The following TSPAN15 variants were observed in gnomAD, a reference collection of about 807,000 sequenced individuals.
TSPAN15 encodes the protein tetraspanin 15.
In TSPAN15, 20 loss-of-function variants were observed where a neutral mutation model predicts 34.5. The observed-to-expected ratio is 0.58, with a 90% CI of 0.41 to 0.84. The LOEUF (loss-of-function observed/expected upper bound fraction) is 0.84. TSPAN15 is among the 40% of genes least tolerant of loss of function. The pLI, the probability that TSPAN15 is intolerant of heterozygous loss-of-function variation, is 0.00. For missense variants in TSPAN15, 313 were observed against 386.1 expected (o/e 0.81, Z 1.59); for synonymous variants, 155 against 153.9 (o/e 1.01, Z -0.05).
chr10:69,492,032 G>A (rs1180911491), intron 3 of TSPAN15, among the ~76,000 whole-genome samples: 1 of 152,226 alleles, frequency 6.6e-6, no homozygotes. Context: ...AGCTTTCTCT[G>A]GTGCTTTAAA....
At chr10:69,520,495 A>G in the TSPAN15 span, among the ~76,000 whole-genome samples, 2 of 152,202 alleles carry the variant, frequency 1.3e-5, no homozygotes, top group African/African-American at 4.8e-5. Context: ...CATCTCTACA[A>G]AAAATACAAA....
intron 5 of TSPAN15, among the ~76,000 whole-genome samples, chr10:69,501,674 A>G (rs59490631): frequency 0.022 from 3,303 of 152,286 alleles, 121 homozygotes; most frequent in African/African-American, 0.076. Context: ...ACTGAAAAGG[A>G]GCTGAGCCTC....
chr10:69,514,209 C>G, the TSPAN15 span, among the ~76,000 whole-genome samples: 63 of 152,306 alleles, frequency 4.1e-4, no homozygotes, highest in African/African-American at 1.5e-3. Context: ...ACCTTGCATT[C>G]CTGGAATAAG....
At chr10:69,472,452 G>A (rs2133090125) in intron 1 of TSPAN15, among the ~76,000 whole-genome samples, 1 of 152,322 alleles carries the variant, frequency 6.6e-6, no homozygotes, top group African/African-American at 2.4e-5. Context: ...TCCCACATGT[G>A]TTGGTGTGCT....
At position 69,483,906 on chromosome 10, in the gene TSPAN15, G is replaced by A. The variant is rs764720844; in HGVS notation, c.282+30G>A. On this transcript the variant is annotated intron_variant, in intron 2 of 7. Coordinates refer to ENST00000373290, the MANE Select transcript of TSPAN15 (RefSeq NM_012339.5). ...GTGGACCACACCACCCCTCAGCCGG[G>A]ACTCCCCAGGAGAGCTGGGGCGCCT... The A allele has an allele frequency of 2.5e-6, 4 of 1,603,040 alleles. No individual in the cohort carries two copies. The South Asian group carries it at 4.5e-5, about 18-fold the overall frequency.
chr10:69,524,987 G>C, the TSPAN15 span, among the ~76,000 whole-genome samples: 1 of 147,612 alleles, frequency 6.8e-6, no homozygotes, highest in African/African-American at 2.5e-5. Flanking sequence ...CACCATGTTG[G>C]CCAGGCTGGT....
chr10:69,516,368 A>G, the TSPAN15 span, among the ~76,000 whole-genome samples: 1 of 152,234 alleles, frequency 6.6e-6, no homozygotes, highest in African/African-American at 2.4e-5. Context: ...GATCAGGGCC[A>G]GTGCTGCCTC....
At chr10:69,455,574 T>TTTC (rs1554830538) in intron 1 of TSPAN15, among the ~76,000 whole-genome samples, 2 of 113,844 alleles carry the variant, frequency 1.8e-5, no homozygotes, top group Non-Finnish European at 3.7e-5. Flanking sequence ...TTTCTTTCTC[T>TTTC]TTTCTTTCTT....
chr10:69,458,481 G>A (rs945492064), intron 1 of TSPAN15, among the ~76,000 whole-genome samples: 2 of 152,180 alleles, frequency 1.3e-5, no homozygotes, highest in African/African-American at 4.8e-5. Context: ...TTCTTATTGT[G>A]TTTGATTTGT....
rs1177447313 is a variant in TSPAN15 at position 69,460,041 on chromosome 10, T to A, written c.96+8351T>A. On this transcript the variant is annotated intron_variant, in intron 1 of 7. Transcript: ENST00000373290. ...GGAGATGAGATGAGATGAGATGAGA[T>A]GAGATGAGATGAGATGAGATGAGAT... 3.5e-5 allele frequency among the ~76,000 whole-genome samples: 5 copies of A among 143,518 alleles called. No individual in the cohort carries two copies. In the East Asian group the frequency reaches 1.1e-3, roughly 31 times the overall value. 94.2% of individuals were successfully genotyped at this position (143,518 alleles called of 152,430 possible). A position where few individuals can be genotyped will look rare whatever the true frequency, so the allele number is the denominator to read the frequency against.
At chr10:69,492,952 T>TGTGGCCTTAGGCAAGGCC (rs1399199731) in intron 3 of TSPAN15, among the ~76,000 whole-genome samples, 2 of 152,172 alleles carry the variant, frequency 1.3e-5, no homozygotes, top group Non-Finnish European at 2.9e-5. Flanking sequence ...CCTCCCCACG[T>TGTGGCCTTAGGCAAGGCC]GTGGCCTTAG....
In TSPAN15 at chr10:69,485,759, G is replaced by T. The variant is rs190709445; in HGVS notation, c.357+544G>T. ...TGAAGAGTTGAGGGTGTACACAGGGGCCCAACTGGGAGGCTGTGGGGGGTC... is the reference window on the plus strand; with the variant it reads ...TGAAGAGTTGAGGGTGTACACAGGGTCCCAACTGGGAGGCTGTGGGGGGTC... On this transcript the variant is annotated intron_variant, in intron 3 of 7. Coordinates refer to ENST00000373290, the MANE Select transcript of TSPAN15 (RefSeq NM_012339.5). Among the ~76,000 whole-genome samples, 943 of 123,176 alleles carry T rather than the reference G, an allele frequency of 7.7e-3. 13 individuals carry two copies. The highest frequency in any genetic ancestry group is 0.03 in the African/African-American group (867 of 29,372). 80.8% of individuals were successfully genotyped at this position (123,176 alleles called of 152,430 possible).
intron 4 of TSPAN15, among the ~76,000 whole-genome samples, chr10:69,496,859 C>G (rs918154021): frequency 6.6e-6 from 1 of 152,216 alleles, no homozygotes; most frequent in Non-Finnish European, 1.5e-5. Flanking sequence ...GACTTCTGCT[C>G]CGGGTGGAGT....
the TSPAN15 span, among the ~76,000 whole-genome samples, chr10:69,536,858 C>A: frequency 6.6e-6 from 1 of 152,046 alleles, no homozygotes; most frequent in East Asian, 1.9e-4. Flanking sequence ...GTGGCACACA[C>A]CTGTAATCCC....
intron 1 of TSPAN15, among the ~76,000 whole-genome samples, chr10:69,477,755 C>G (rs1160923140): frequency 6.6e-6 from 1 of 152,210 alleles, no homozygotes; most frequent in Admixed American, 6.5e-5. Context: ...AAAGGCCCAT[C>G]TGGTAGCCTT....
At chr10:69,464,666 G>A (rs1449332778) in intron 1 of TSPAN15, among the ~76,000 whole-genome samples, 1 of 152,206 alleles carries the variant, frequency 6.6e-6, no homozygotes, top group Non-Finnish European at 1.5e-5. Flanking sequence ...CCCATTGTGT[G>A]GGGCAGTTAG....
rs573573926 is a variant in TSPAN15, at chr10:69,465,295, A to G, written c.96+13605A>G. Among the ~76,000 whole-genome samples the G allele has an allele frequency of 2.6e-5, 4 of 152,250 alleles. No individual in the cohort carries two copies. In the South Asian group the frequency reaches 6.2e-4, roughly 24 times the overall value. Reference sequence around the variant, plus strand: ...TCATGTTCAGAGCAGAGACAAGATGAGGGCAGGAGTTGTTCAGGGACCCAC... The same window carrying G: ...TCATGTTCAGAGCAGAGACAAGATGGGGGCAGGAGTTGTTCAGGGACCCAC... On this transcript the variant is annotated intron_variant, in intron 1 of 7. Transcript: ENST00000373290.
the TSPAN15 span, among the ~76,000 whole-genome samples, chr10:69,540,119 G>A: frequency 6.6e-6 from 1 of 152,190 alleles, no homozygotes; most frequent in Middle Eastern, 3.4e-3. Flanking sequence ...TCGAACTCCT[G>A]ATCTCAAGTG....
chr10:69,451,844 G>A (rs1840976935), intron 1 of TSPAN15, among the ~76,000 whole-genome samples, 154 bp downstream of exon 1: 1 of 152,234 alleles, frequency 6.6e-6, no homozygotes, highest in African/African-American at 2.4e-5. Flanking sequence ...ACATTCGGGC[G>A]GCCAGAGCTC....
Sources: gnomAD v4.1 joint callset for allele counts (sites outside exome capture counted in the v4.1 genomes callset) on GRCh38, gnomAD v4.1.1 for gene constraint, MANE v1.5 for transcripts, NCBI Gene and HGNC (gene_info 2026-07-23, HGNC 2026-07-21) for gene names.